TNFRSF13B: variants seen among roughly 807,000 people sequenced by gnomAD.
TNFRSF13B encodes the protein TNF receptor superfamily member 13B.
Under a neutral mutation model 24.0 loss-of-function variants are expected in TNFRSF13B, and 34 were observed. That is an observed-to-expected ratio of 1.41 (90% CI 1.08 to 1.88). The LOEUF (loss-of-function observed/expected upper bound fraction) is 1.88. Among genes scored for constraint, TNFRSF13B ranks in the 40% most tolerant of loss-of-function variants. The probability of loss-of-function intolerance (pLI) is 0.00; values close to 1 mark genes in which losing one functional copy is unlikely to be tolerated. For missense variants in TNFRSF13B, 415 were observed against 380.8 expected (o/e 1.09, Z -0.75); for synonymous variants, 173 against 150.3 (o/e 1.15, Z -1.10).
intron 3 of TNFRSF13B, among the ~76,000 whole-genome samples, chr17:16,945,275 G>C (rs143304223): frequency 6.6e-6 from 1 of 152,176 alleles, no homozygotes; most frequent in Non-Finnish European, 1.5e-5. Flanking sequence ...AGGCTCCAAG[G>C]TTCTGCCCAG....
chr17:16,964,632 C>T (rs111238458), intron 1 of TNFRSF13B, among the ~76,000 whole-genome samples: 3,594 of 152,282 alleles, frequency 0.024, 154 homozygotes, highest in African/African-American at 0.083. Context: ...TGAGCCACCA[C>T]GCCCGGCCTC....
At chr17:16,942,359 C>A (rs552709894) in intron 3 of TNFRSF13B, among the ~76,000 whole-genome samples, 81 of 152,324 alleles carry the variant, frequency 5.3e-4, no homozygotes, top group Non-Finnish European at 8.1e-4. Context: ...TCCTCACACA[C>A]GCTTTTAGAT....
chr17:16,939,980 GGGCA>G, intron 4 of TNFRSF13B, 183 bp from the exon 5 acceptor site: 1 of 1,032,784 alleles, frequency 9.7e-7, no homozygotes, highest in Non-Finnish European at 1.4e-6. Context: ...GGGCAGGGGT[GGGCA>G]GGCAATTCTT....
At position 16,966,253 on chromosome 17, in the gene TNFRSF13B, C is replaced by CA. The variant is rs894863885; in HGVS notation, c.61+5761dup. ...TACGCAACAGAGTGAGACTCCATCTCAAAAAAAAAAACACCAAAAAAACAA... is the reference window on the plus strand; with the variant it reads ...TACGCAACAGAGTGAGACTCCATCTCAAAAAAAAAAAACACCAAAAAAACAA... On this transcript the variant is annotated intron_variant, in intron 1 of 4. Coordinates refer to ENST00000261652, the MANE Select transcript of TNFRSF13B (RefSeq NM_012452.3). Among the ~76,000 whole-genome samples the CA allele has an allele frequency of 5.6e-3, 712 of 127,434 alleles. 15 individuals are homozygous for CA. The highest frequency in any genetic ancestry group is 0.037 in the Admixed American group (474 of 12,760). 83.6% of individuals were successfully genotyped at this position (127,434 alleles called of 152,430 possible).
chr17:16,940,548 T>A, intron 3 of TNFRSF13B, 37 bp from the exon 4 acceptor site: 2 of 1,603,592 alleles, frequency 1.2e-6, no homozygotes, highest in Non-Finnish European at 1.7e-6. Context: ...TGCAGTGCCT[T>A]CTTCTCTTCC....
chr17:16,963,790 T>C (rs2087680146), intron 1 of TNFRSF13B, among the ~76,000 whole-genome samples: 1 of 152,180 alleles, frequency 6.6e-6, no homozygotes, highest in African/African-American at 2.4e-5. Context: ...GACCTCCTGA[T>C]CCACCCGCCT....
At chr17:16,952,719 C>T in intron 1 of TNFRSF13B, 136 bp from the exon 2 acceptor site, 1 of 1,388,984 alleles carries the variant, frequency 7.2e-7, no homozygotes, top group East Asian at 2.5e-5. Flanking sequence ...AGAGGGCAGA[C>T]AAAGTTGGCT....
intron 3 of TNFRSF13B, among the ~76,000 whole-genome samples, chr17:16,945,369 G>T (rs887173379): frequency 2.0e-5 from 3 of 152,202 alleles, no homozygotes; most frequent in African/African-American, 7.2e-5. Flanking sequence ...CACCGCCAAG[G>T]AGCAATAGCC....
chr17:16,940,811 G>A (rs1420473543), intron 3 of TNFRSF13B: 10 of 1,324,910 alleles, frequency 7.5e-6, no homozygotes, highest in Middle Eastern at 2.9e-4. Context: ...GGGCTGATGG[G>A]TGAATCGACA....
intron 3 of TNFRSF13B, among the ~76,000 whole-genome samples, chr17:16,948,472 A>G (rs757021158): frequency 1.4e-4 from 21 of 152,224 alleles, no homozygotes; most frequent in Non-Finnish European, 2.8e-4. Context: ...CTGTGCTTCA[A>G]TGACTGGCAC....
intron 1 of TNFRSF13B, among the ~76,000 whole-genome samples, chr17:16,953,019 C>T (rs1008734687): frequency 1.3e-5 from 2 of 152,220 alleles, no homozygotes; most frequent in Non-Finnish European, 2.9e-5. Flanking sequence ...CCAAGGGAAG[C>T]CTTTCTGACT....
chr17:16,963,963 T>G (rs952146428), intron 1 of TNFRSF13B, among the ~76,000 whole-genome samples: 3 of 151,928 alleles, frequency 2.0e-5, no homozygotes, highest in Non-Finnish European at 2.9e-5. Flanking sequence ...AGAGATAGGG[T>G]GTGTGCCCCG....
chr17:16,963,830 G>A (rs918577034), intron 1 of TNFRSF13B, among the ~76,000 whole-genome samples: 3 of 152,200 alleles, frequency 2.0e-5, no homozygotes, highest in Non-Finnish European at 2.9e-5. Context: ...GATTACAGGC[G>A]TGAGCCACAG....
intron 1 of TNFRSF13B, among the ~76,000 whole-genome samples, chr17:16,957,497 G>C (rs1160688075): frequency 6.6e-6 from 1 of 152,052 alleles, no homozygotes; most frequent in Admixed American, 6.5e-5. Context: ...TCATTCAGGA[G>C]TCTCAATAAA....
chr17:16,941,055 T>C (rs938755564), intron 3 of TNFRSF13B: 2 of 609,902 alleles, frequency 3.3e-6, no homozygotes, highest in African/African-American at 4.0e-5. Flanking sequence ...TAGAGTCATC[T>C]CTAGATTACT....
chr17:16,942,420 G>A (rs535296782), intron 3 of TNFRSF13B, among the ~76,000 whole-genome samples: 16 of 152,280 alleles, frequency 1.1e-4, no homozygotes, highest in Admixed American at 6.5e-4. Context: ...GGGGTCATCA[G>A]TGTCACTCTG....
rs764387835 is a variant in TNFRSF13B at position 16,939,653 on chromosome 17, C to A, written c.776G>T (p.Trp259Leu). 1 of 1,612,388 alleles carries A rather than the reference C, an allele frequency of 6.2e-7. No individual in the cohort carries two copies. Among genetic ancestry groups the A allele is most frequent in the Admixed American group, 1.7e-5 (1 of 59,902 alleles). ...GACTGTGGTCCTGGTGTGGCACCCC[C>A]ACCTTCCAGCACAAGTGGGGTCGGG... ...GTPDPTCAGR[W>L]GCHTRTTVLQ... Residue 259 changes from tryptophan (W) to leucine (L), a missense_variant, in exon 5 of 5, where the codon TGG becomes TTG. By Grantham distance (61) the Trp-to-Leu change is moderately conservative (BLOSUM62 -2). Transcript: ENST00000261652.
At chr17:16,951,283 C>T (rs766625044) in intron 2 of TNFRSF13B, among the ~76,000 whole-genome samples, 1 of 152,200 alleles carries the variant, frequency 6.6e-6, no homozygotes, top group Non-Finnish European at 1.5e-5. Flanking sequence ...GTGCTAGGCT[C>T]AAGTCAGACA....
rs1463048736 is a variant in TNFRSF13B at position 16,945,985 on chromosome 17, C to T, written c.445+2753G>A. On this transcript the variant is annotated intron_variant, in intron 3 of 4. Transcript: ENST00000261652. ...CTGTATCGTCATGAGATGGACGCACCTGGCCAGCCCACTTGTCCCAGGAGG... is the reference window on the plus strand; with the variant it reads ...CTGTATCGTCATGAGATGGACGCACTTGGCCAGCCCACTTGTCCCAGGAGG... Among the ~76,000 whole-genome samples, 4 of 152,220 alleles carry T rather than the reference C, an allele frequency of 2.6e-5. No individual in the cohort carries two copies. In the East Asian group the frequency reaches 7.7e-4, roughly 29 times the overall value.
Sources: gnomAD v4.1 joint callset for allele counts (sites outside exome capture counted in the v4.1 genomes callset) on GRCh38, gnomAD v4.1.1 for gene constraint, MANE v1.5 for transcripts, NCBI Gene and HGNC (gene_info 2026-07-23, HGNC 2026-07-21) for gene names.